The following THSD7B variants were observed in gnomAD, a reference collection of about 807,000 sequenced individuals.
THSD7B encodes the protein thrombospondin type 1 domain containing 7B.
In THSD7B, 138 loss-of-function variants were observed where a neutral mutation model predicts 213.6. The ratio of observed to expected loss-of-function variants is 0.65; its 90% CI spans 0.56 to 0.74. The LOEUF is 0.74. Among genes scored for constraint, THSD7B ranks in the 30% least tolerant of loss-of-function variants. The pLI is 0.00. For synonymous variants in THSD7B, 742 were observed against 687.0 expected, an observed-to-expected ratio of 1.08 and a Z score of -1.25; for missense variants, 1,931 against 1,991.5, an observed-to-expected ratio of 0.97 and a Z score of 0.58.
chr2:137,225,961 C>A (rs1409959785), intron 7 of THSD7B, among the ~76,000 whole-genome samples: 1 of 151,618 alleles, frequency 6.6e-6, no homozygotes, highest in African/African-American at 2.4e-5. Context: ...TGGTTAGGGT[C>A]TCAATCCAGA....
chr2:137,570,245 T>C (rs1027779056), intron 16 of THSD7B, among the ~76,000 whole-genome samples: 4 of 151,820 alleles, frequency 2.6e-5, no homozygotes, highest in East Asian at 3.9e-4. Flanking sequence ...TTTTTCAGTA[T>C]GTGATTAGCT....
At chr2:137,335,314 A>T (rs1684613416) in intron 12 of THSD7B, among the ~76,000 whole-genome samples, 1 of 152,184 alleles carries the variant, frequency 6.6e-6, no homozygotes, top group Non-Finnish European at 1.5e-5. Flanking sequence ...TAATGAAGGC[A>T]CTGACTGTTA....
At chr2:137,653,783 A>G (rs987732850) in intron 21 of THSD7B, among the ~76,000 whole-genome samples, 11 of 149,126 alleles carry the variant, frequency 7.4e-5, no homozygotes, top group Non-Finnish European at 1.6e-4. Flanking sequence ...TATTATTTCA[A>G]ACTGTTTAAT....
At chr2:136,815,937 T>G (rs1190090755) in intron 1 of THSD7B, among the ~76,000 whole-genome samples, 1 of 152,114 alleles carries the variant, frequency 6.6e-6, no homozygotes, top group African/African-American at 2.4e-5. Flanking sequence ...CAGGCTGGAG[T>G]GCAGTGGTGT....
chr2:137,405,513 C>A, intron 12 of THSD7B, 100 bp from the exon 13 acceptor site: 1 of 1,191,118 alleles, frequency 8.4e-7, no homozygotes, highest in Non-Finnish European at 1.1e-6. Context: ...TTGTGAAGCC[C>A]AAGTTTTTAA....
At chr2:136,876,300 A>T (rs1302842963) in intron 1 of THSD7B, among the ~76,000 whole-genome samples, 1 of 152,210 alleles carries the variant, frequency 6.6e-6, no homozygotes, top group Middle Eastern at 3.2e-3. Context: ...TATATTTTTA[A>T]ACTAATTTGC....
At chr2:136,855,605 A>T (rs866113347) in intron 1 of THSD7B, among the ~76,000 whole-genome samples, 2 of 115,870 alleles carry the variant, frequency 1.7e-5, no homozygotes, top group African/African-American at 6.3e-5. Context: ...TTTATTTATT[A>T]TTTATTTATT....
At chr2:137,213,373 GTA>G (rs10646517) in intron 7 of THSD7B, among the ~76,000 whole-genome samples, 1 of 146,618 alleles carries the variant, frequency 6.8e-6, no homozygotes, top group African/African-American at 2.5e-5. Context: ...ATATATAATA[GTA>G]TATATGTTAT....
intron 2 of THSD7B, among the ~76,000 whole-genome samples, chr2:137,041,631 C>T: frequency 6.7e-6 from 1 of 148,724 alleles, no homozygotes; most frequent in East Asian, 2.0e-4. Context: ...ATATATTATG[C>T]AATATTATAT....
intron 17 of THSD7B, among the ~76,000 whole-genome samples, chr2:137,585,807 T>C (rs1681711437): frequency 6.6e-6 from 1 of 152,204 alleles, no homozygotes; most frequent in African/African-American, 2.4e-5. Flanking sequence ...GAGAAGAATG[T>C]ATATTCTGTT....
chr2:137,570,332 G>A (rs185599210), intron 16 of THSD7B, among the ~76,000 whole-genome samples: 9 of 151,434 alleles, frequency 5.9e-5, no homozygotes, highest in East Asian at 3.9e-4. Flanking sequence ...ATTTTGAGAC[G>A]GAGTCTCGCC....
intron 12 of THSD7B, among the ~76,000 whole-genome samples, chr2:137,352,321 A>G (rs1685032449): frequency 6.6e-6 from 1 of 151,892 alleles, no homozygotes; most frequent in South Asian, 2.1e-4. Flanking sequence ...TAATGGGCAA[A>G]TGTTTGAGAT....
chr2:136,870,007 T>C (rs547025933), intron 1 of THSD7B, among the ~76,000 whole-genome samples: 16 of 149,598 alleles, frequency 1.1e-4, no homozygotes, highest in African/African-American at 3.9e-4. Flanking sequence ...GGAAGGCAGA[T>C]GTTGCAGTGA....
Position 137,659,728 on chromosome 2 carries a change from T to A in THSD7B, c.4440T>A (p.Pro1480=). ...AGTGCATTCCAGCCTGCAGAAAACC[T>A]TTCTCCTACTGTACACAGGTGAGTC... The part of the protein sequence containing the change: ...IRQCIPACRK[P]FSYCTQGGVC... The change falls in exon 25 of 28, where the codon CCT becomes CCA. Residue 1480 remains proline (P), a synonymous_variant. Transcript: ENST00000409968. 6.2e-7 allele frequency: 1 copy of A among 1,603,416 alleles called. No homozygotes were observed. The highest frequency in any genetic ancestry group is 8.5e-7 in the Non-Finnish European group (1 of 1,174,698).
At chr2:137,322,395 A>G (rs757348362) in intron 12 of THSD7B, among the ~76,000 whole-genome samples, 41 of 152,222 alleles carry the variant, frequency 2.7e-4, no homozygotes, top group African/African-American at 8.9e-4. Context: ...CCTGACATAT[A>G]GCAATGATAA....
chr2:137,152,595 G>A (rs1208372432), intron 5 of THSD7B, among the ~76,000 whole-genome samples: 3 of 152,144 alleles, frequency 2.0e-5, no homozygotes, highest in Non-Finnish European at 4.4e-5. Flanking sequence ...ACATTAAAGC[G>A]ATTAGCATAG....
Position 137,262,464 on chromosome 2 carries a change from A to G in THSD7B, c.2267-10069A>G, listed in dbSNP as rs1403358435. 2.6e-5 allele frequency among the ~76,000 whole-genome samples: 4 copies of G among 152,176 alleles called. No homozygotes were observed. The East Asian group carries it at 7.7e-4, about 29-fold the overall frequency. The stretch of plus-strand genomic sequence containing the variant: ...GGGGTCAGGATTTGCGGAAAAAAAA[A>G]AAAATAAATCCCTGTCATTTCATAA... On this transcript the variant is annotated intron_variant, in intron 10 of 27. Coordinates refer to ENST00000409968, the MANE Select transcript of THSD7B (RefSeq NM_001316349.2).
chr2:137,104,471 G>A (rs1688209790), intron 4 of THSD7B, among the ~76,000 whole-genome samples: 1 of 141,076 alleles, frequency 7.1e-6, no homozygotes, highest in Non-Finnish European at 1.6e-5. Flanking sequence ...AACATCACAA[G>A]TAAAAAGAAC....
At chr2:137,303,949 C>A (rs1304005806) in intron 12 of THSD7B, among the ~76,000 whole-genome samples, 1 of 151,314 alleles carries the variant, frequency 6.6e-6, no homozygotes, top group Non-Finnish European at 1.5e-5. Context: ...CTAATGCTAT[C>A]CCTCCCCTAG....
Sources: gnomAD v4.1 joint callset for allele counts (sites outside exome capture counted in the v4.1 genomes callset) on GRCh38, gnomAD v4.1.1 for gene constraint, MANE v1.5 for transcripts, NCBI Gene and HGNC (gene_info 2026-07-23, HGNC 2026-07-21) for gene names.